Variants in HP1BP3 observed in about 807,000 individuals in gnomAD.
HP1BP3 encodes heterochromatin protein 1-binding protein 3.
In HP1BP3, 12 loss-of-function variants were observed where a neutral mutation model predicts 62.5. The observed-to-expected ratio is 0.19, with a 90% confidence interval of 0.12 to 0.31. The LOEUF (loss-of-function observed/expected upper bound fraction) is 0.31, where lower values mean the gene tolerates loss of function less well. HP1BP3 is among the 10% of genes least tolerant of loss of function. The pLI, the probability that HP1BP3 is intolerant of heterozygous loss-of-function variation, is 1.00. For missense variants in HP1BP3, 502 were observed against 651.8 expected, an observed-to-expected ratio of 0.77 and a Z score of 2.50; for synonymous variants, 260 against 237.8, an observed-to-expected ratio of 1.09 and a Z score of -0.86.
chr1:20,754,791 A>G (rs948590977), intron 9 of HP1BP3, among the ~76,000 whole-genome samples: 2 of 152,232 alleles, frequency 1.3e-5, no homozygotes, highest in Non-Finnish European at 2.9e-5. Context: ...AAGATAAATT[A>G]TACCCTTACC....
At chr1:20,748,717 G>C (rs1055102079) in intron 10 of HP1BP3, among the ~76,000 whole-genome samples, 2 of 151,646 alleles carry the variant, frequency 1.3e-5, no homozygotes, top group Non-Finnish European at 2.9e-5. Context: ...AGCCAAGATC[G>C]CACCACTGCG....
At chr1:20,769,165 T>C (rs571676161) in intron 6 of HP1BP3, among the ~76,000 whole-genome samples, 22 of 152,306 alleles carry the variant, frequency 1.4e-4, no homozygotes, top group African/African-American at 4.3e-4. Flanking sequence ...TCATAGCTCA[T>C]TGCTATGTTA....
intron 8 of HP1BP3, among the ~76,000 whole-genome samples, chr1:20,758,621 C>G (rs1307375465): frequency 6.6e-6 from 1 of 151,102 alleles, no homozygotes. Context: ...GCTGGGATTA[C>G]AGGTGTGAGC....
intron 1 of HP1BP3, among the ~76,000 whole-genome samples, chr1:20,785,631 A>G (rs1187055939): frequency 6.6e-6 from 1 of 152,220 alleles, no homozygotes; most frequent in Non-Finnish European, 1.5e-5. Context: ...ACAGTGTCTC[A>G]TCTCAATAAA....
Position 20,744,869 on chromosome 1 carries a change from A to G in HP1BP3, c.1590T>C (p.Ser530=). 3 of 1,614,094 alleles carry G rather than the reference A, an allele frequency of 1.9e-6. No individual in the cohort carries two copies. Among genetic ancestry groups the G allele is most frequent in the Non-Finnish European group, 2.5e-6 (3 of 1,180,026 alleles). The change falls in exon 13 of 13, where the codon AGT becomes AGC. Residue 530 remains serine, a synonymous_variant. Transcript: ENST00000438032. ...SGGSSKKPAT[S]ARKEVKLPGK... ...CCGGCAATTTTACTTCCTTTCTTGC[A>G]CTGGTTGCAGGCTTCTTTGAGGAGC...
chr1:20,780,247 C>T (rs1429909327), intron 2 of HP1BP3, 98 bp downstream of exon 2: 2 of 860,476 alleles, frequency 2.3e-6, no homozygotes, highest in Non-Finnish European at 3.9e-6. Context: ...CCTAGACTCC[C>T]CAAAGTAAGG....
chr1:20,786,953 G>A (rs1033781420), intron 1 of HP1BP3, among the ~76,000 whole-genome samples: 7 of 151,934 alleles, frequency 4.6e-5, no homozygotes, highest in African/African-American at 1.7e-4. Flanking sequence ...GCGCGCGCCG[G>A]AGGGCCCCTG....
At chr1:20,779,942 G>T in intron 2 of HP1BP3, 31 bp from the exon 3 acceptor site, 2 of 1,546,468 alleles carry the variant, frequency 1.3e-6, no homozygotes, top group Non-Finnish European at 8.9e-7. Context: ...AATCAAACAT[G>T]CATTAAAAAA....
intron 7 of HP1BP3, among the ~76,000 whole-genome samples, chr1:20,765,964 CAAA>C (rs34214380): frequency 2.9e-5 from 2 of 69,650 alleles, no homozygotes. Context: ...GACTCCGTCT[CAAA>C]AAAAAAAAAA....
At position 20,778,658 on chromosome 1, in the gene HP1BP3, C is replaced by G. The variant is rs528306220; in HGVS notation, c.196+1154G>C. On this transcript the variant is annotated intron_variant, in intron 3 of 12. Transcript: ENST00000438032. ...TTCTTAACTGCCTTAGGCCAGGGTG[C>G]CCAAATTGCTTATAGCATTCATCTA... 2.8e-5 allele frequency among the ~76,000 whole-genome samples: 4 copies of G among 141,954 alleles called. No homozygotes were observed. In the South Asian group the frequency reaches 8.3e-4, roughly 29 times the overall value. 93.1% of individuals were successfully genotyped at this position (141,954 alleles called of 152,430 possible). A position where few individuals can be genotyped will look rare whatever the true frequency, so the allele number is the denominator to read the frequency against.
rs747152763 is a variant in HP1BP3 at position 20,745,515 on chromosome 1, CCCA to C, written c.1367+25_1367+27del. 2.7e-5 allele frequency: 43 copies of C among 1,610,734 alleles called. No individual in the cohort carries two copies. The South Asian group carries it at 3.9e-4, about 14-fold the overall frequency. ...CAGCTCTGAGGTATTTAGTGTCCTC[CCCA>C]CAAGGGGTTTTCACATGTCCACACC... is the stretch of plus-strand genomic sequence containing the variant. On this transcript the variant is annotated intron_variant, in intron 12 of 12. Transcript: ENST00000438032.
intron 7 of HP1BP3, among the ~76,000 whole-genome samples, chr1:20,766,694 C>T (rs1369807169): frequency 2.0e-5 from 3 of 152,170 alleles, no homozygotes; most frequent in African/African-American, 4.8e-5. Flanking sequence ...CATCCCAGCA[C>T]GTTGGGAGGC....
At chr1:20,764,692 A>G (rs1269692170) in intron 8 of HP1BP3, among the ~76,000 whole-genome samples, 17 of 50,252 alleles carry the variant, frequency 3.4e-4, no homozygotes, top group Non-Finnish European at 6.5e-4. Context: ...TTGGGTTTGG[A>G]AAAAAAAAAA....
chr1:20,775,925 C>T (rs1008353678), intron 4 of HP1BP3: 1 of 1,470,788 alleles, frequency 6.8e-7, no homozygotes, highest in African/African-American at 1.5e-5. Context: ...CATTGTTAAG[C>T]AATGCATGAC....
intron 8 of HP1BP3, among the ~76,000 whole-genome samples, chr1:20,757,499 G>A (rs934680497): frequency 4.0e-5 from 6 of 151,806 alleles, no homozygotes; most frequent in African/African-American, 1.5e-4. Flanking sequence ...AGCCTCCCGA[G>A]TAGCTGGGAT....
chr1:20,744,941 G>C lies in HP1BP3; in HGVS notation c.1518C>G (p.Ala506=), dbSNP rs146223622. The change falls in exon 13 of 13, where the codon GCC becomes GCG. Residue 506 remains alanine, a synonymous_variant. Transcript: ENST00000438032. ...KKAPPKAKTP[A]KKTRPSSTVI... is the part of the protein sequence containing the mutation. Reference sequence around the variant, plus strand: ...CTGTGGATGAGGGTCTGGTCTTCTTGGCAGGCGTTTTGGCCTTAGGAGGTG... The same window carrying C: ...CTGTGGATGAGGGTCTGGTCTTCTTCGCAGGCGTTTTGGCCTTAGGAGGTG... 4.7e-5 allele frequency: 76 copies of C among 1,614,020 alleles called. No homozygotes were observed. The highest frequency in any genetic ancestry group is 3.3e-4 in the Middle Eastern group (2 of 6,084).
Position 20,780,504 on chromosome 1 carries a change from AT to A in HP1BP3, c.-65del. On this transcript the variant is annotated 5_prime_UTR_variant, in exon 2 of 13. Transcript: ENST00000438032. ...GAAGCCTCTGCTGTTAACCACAAGG[AT>A]TTTTCCTAATGGTTTCAGTGTGGTG... The A allele has an allele frequency of 3.5e-6, 4 of 1,145,606 alleles. No homozygotes were observed. The highest frequency in any genetic ancestry group is 5.3e-6 in the Non-Finnish European group (4 of 757,000). The allele number at this position is 1,145,606 out of a possible 1,614,324, so 71.0% of individuals were successfully genotyped here. A position where few individuals can be genotyped will look rare whatever the true frequency, so the allele number is the denominator to read the frequency against.
chr1:20,785,339 T>A (rs2057773173), intron 1 of HP1BP3, among the ~76,000 whole-genome samples: 1 of 152,260 alleles, frequency 6.6e-6, no homozygotes, highest in Non-Finnish European at 1.5e-5. Flanking sequence ...AACAACGTAT[T>A]TCAGTTTACT....
chr1:20,750,018 G>A lies in HP1BP3; in HGVS notation c.982-136C>T, dbSNP rs1035313361. On this transcript the variant is annotated intron_variant, in intron 9 of 12. Coordinates refer to ENST00000438032, the MANE Select transcript of HP1BP3 (RefSeq NM_001372052.1). ...TGTTTTACAATAAATTGTCAGCTTAGGGACTTTCTCTTCCCATTCAACAGG... is the reference window on the plus strand; with the variant it reads ...TGTTTTACAATAAATTGTCAGCTTAAGGACTTTCTCTTCCCATTCAACAGG... The A allele has an allele frequency of 3.5e-6, 5 of 1,436,652 alleles. No homozygotes were observed. The African/African-American group carries it at 7.2e-5, about 21-fold the overall frequency. The allele number at this position is 1,436,652 out of a possible 1,614,324, so 89.0% of individuals were successfully genotyped here. A position where few individuals can be genotyped will look rare whatever the true frequency, so the allele number is the denominator to read the frequency against.
Sources: gnomAD v4.1 joint callset for allele counts (sites outside exome capture counted in the v4.1 genomes callset) on GRCh38, gnomAD v4.1.1 for gene constraint, MANE v1.5 for transcripts, NCBI Gene and HGNC (gene_info 2026-07-23, HGNC 2026-07-21) for gene names.